Variants in NDST4 observed in about 807,000 individuals in gnomAD.
NDST4 encodes the protein N-deacetylase and N-sulfotransferase 4, also known as N-heparan sulfate sulfotransferase 4.
NDST4 carries 63 observed loss-of-function variants against 100.8 expected under a neutral mutation model. That is an observed-to-expected ratio of 0.62 (90% CI 0.51 to 0.77). NDST4 has a LOEUF of 0.77. Among genes scored for constraint, NDST4 ranks in the 30% least tolerant of loss-of-function variants. NDST4 has a pLI of 0.00. For synonymous variants in NDST4, 377 were observed against 361.8 expected (o/e 1.04, Z -0.48); for missense variants, 943 against 1,018.4 (o/e 0.93, Z 1.01).
At chr4:115,091,695 T>C (rs1729523819) in intron 1 of NDST4, among the ~76,000 whole-genome samples, 1 of 152,146 alleles carries the variant, frequency 6.6e-6, no homozygotes. Flanking sequence ...CATATGCAGT[T>C]GTTTTGTAGC....
chr4:114,863,363 G>A (rs986242873), intron 7 of NDST4, among the ~76,000 whole-genome samples: 11 of 152,342 alleles, frequency 7.2e-5, no homozygotes, highest in South Asian at 2.1e-4. Flanking sequence ...CAAATCTGGC[G>A]TTCTCTCTGC....
At chr4:115,034,088 G>T (rs2126271207) in intron 2 of NDST4, among the ~76,000 whole-genome samples, 1 of 152,194 alleles carries the variant, frequency 6.6e-6, no homozygotes, top group South Asian at 2.1e-4. Flanking sequence ...CAGAGGATAA[G>T]GTCCCTAGCC....
At position 114,986,629 on chromosome 4, in the gene NDST4, T is replaced by C. The variant is rs1726907064; in HGVS notation, c.979-9355A>G. 2.0e-5 allele frequency among the ~76,000 whole-genome samples: 3 copies of C among 151,698 alleles called. 1 individual carries two copies. Among genetic ancestry groups the C allele is most frequent in the South Asian group, 4.2e-4 (2 of 4,794 alleles). The stretch of plus-strand genomic sequence containing the variant: ...ATGTCTGCGTCCTGCACTCTCTTCC[T>C]CTGGTTTCTGTTTCCCATGCTCTAC... On this transcript the variant is annotated intron_variant, in intron 2 of 13. Coordinates refer to ENST00000264363, the MANE Select transcript of NDST4 (RefSeq NM_022569.3).
At chr4:114,934,044 G>A (rs1725571741) in intron 6 of NDST4, among the ~76,000 whole-genome samples, 1 of 152,106 alleles carries the variant, frequency 6.6e-6, no homozygotes, top group Non-Finnish European at 1.5e-5. Flanking sequence ...GCATTCTCAT[G>A]TTCATTGCAG....
intron 1 of NDST4, among the ~76,000 whole-genome samples, chr4:115,102,990 G>A (rs1487936646): frequency 6.6e-6 from 1 of 151,968 alleles, no homozygotes; most frequent in Non-Finnish European, 1.5e-5. Context: ...TTACAAATGT[G>A]AGCCACTGCT....
chr4:114,905,880 G>T (rs1724938628), intron 6 of NDST4, among the ~76,000 whole-genome samples: 1 of 151,858 alleles, frequency 6.6e-6, no homozygotes, highest in Admixed American at 6.6e-5. Context: ...GTGCTGGAAG[G>T]TAACTGAATT....
intron 6 of NDST4, among the ~76,000 whole-genome samples, chr4:114,931,529 T>A (rs373841283): frequency 6.6e-6 from 1 of 151,256 alleles, no homozygotes; most frequent in Admixed American, 6.6e-5. Flanking sequence ...ATAAATAAAA[T>A]AGAGATTAGA....
intron 2 of NDST4, among the ~76,000 whole-genome samples, chr4:114,990,313 T>C (rs1727009822): frequency 6.6e-6 from 1 of 152,072 alleles, no homozygotes; most frequent in Non-Finnish European, 1.5e-5. Context: ...AAAATAAAAC[T>C]CCTAATTATT....
chr4:114,986,464 T>A (rs541842571), intron 2 of NDST4, among the ~76,000 whole-genome samples: 2 of 152,128 alleles, frequency 1.3e-5, no homozygotes, highest in African/African-American at 4.8e-5. Context: ...CTTCTGCTTC[T>A]GTTTTCTGAT....
chr4:114,965,872 A>C (rs1726368695), intron 4 of NDST4, among the ~76,000 whole-genome samples: 1 of 151,930 alleles, frequency 6.6e-6, no homozygotes, highest in African/African-American at 2.4e-5. Flanking sequence ...ATTGGGAATA[A>C]GTTTTGGTAA....
At chr4:115,055,887 C>T (rs1301213595) in intron 2 of NDST4, among the ~76,000 whole-genome samples, 4 of 152,046 alleles carry the variant, frequency 2.6e-5, no homozygotes, top group African/African-American at 9.7e-5. Context: ...TCATGTTACT[C>T]ACAGTGTGGG....
chr4:114,848,878 C>A (rs1254572940), intron 8 of NDST4, among the ~76,000 whole-genome samples: 1 of 152,154 alleles, frequency 6.6e-6, no homozygotes, highest in Admixed American at 6.5e-5. Context: ...TGGACAAGTA[C>A]ACAAGTAATT....
rs968223964 is a variant in NDST4 at position 114,899,353 on chromosome 4, A to G, written c.1537-28403T>C. 2.0e-4 allele frequency among the ~76,000 whole-genome samples: 31 copies of G among 151,610 alleles called. 1 individual carries two copies. On this transcript the variant is annotated intron_variant, in intron 6 of 13. Coordinates refer to ENST00000264363, the MANE Select transcript of NDST4 (RefSeq NM_022569.3). The stretch of plus-strand genomic sequence containing the variant: ...CCACCACGCCAGGCTAATTTTTTTT[A>G]TTTTTAGTATAGACAGGGTTTCACC...
chr4:114,987,016 C>G (rs916771782), intron 2 of NDST4, among the ~76,000 whole-genome samples: 1 of 151,364 alleles, frequency 6.6e-6, no homozygotes, highest in Non-Finnish European at 1.5e-5. Context: ...TTCCTAAAGG[C>G]AAAGTATTTA....
At chr4:115,034,308 C>T (rs540773804) in intron 2 of NDST4, among the ~76,000 whole-genome samples, 1 of 152,152 alleles carries the variant, frequency 6.6e-6, no homozygotes, top group East Asian at 1.9e-4. Flanking sequence ...CTAGCCGATG[C>T]CGTGTCCTCC....
chr4:114,917,864 A>T (rs1415827085), intron 6 of NDST4, among the ~76,000 whole-genome samples: 1 of 152,318 alleles, frequency 6.6e-6, no homozygotes, highest in East Asian at 1.9e-4. Context: ...GGTTGATGGG[A>T]GGCTCAAGTG....
At chr4:114,936,968 A>T (rs1578400068) in intron 5 of NDST4, among the ~76,000 whole-genome samples, 1 of 152,012 alleles carries the variant, frequency 6.6e-6, no homozygotes, top group East Asian at 1.9e-4. Flanking sequence ...TGCCTGTAAA[A>T]CTCTCAGTAA....
At chr4:114,921,864 GACTC>G (rs1472688706) in intron 6 of NDST4, among the ~76,000 whole-genome samples, 3 of 151,426 alleles carry the variant, frequency 2.0e-5, no homozygotes, top group Non-Finnish European at 4.4e-5. Context: ...TGCTCCCCTT[GACTC>G]ACTCCCCTGC....
At chr4:114,902,988 C>T (rs113296113) in intron 6 of NDST4, among the ~76,000 whole-genome samples, 1,631 of 152,144 alleles carry the variant, frequency 0.011, 8 homozygotes, top group Middle Eastern at 0.02. Flanking sequence ...TATGTTCTTG[C>T]TTGCTGCCTA....
Sources: allele counts gnomAD v4.1 joint callset (sites outside exome capture counted in the v4.1 genomes callset), GRCh38; gene constraint gnomAD v4.1.1; transcripts MANE v1.5; gene names NCBI Gene and HGNC (gene_info 2026-07-23, HGNC 2026-07-21).